PCDHGA4: variants seen among roughly 807,000 people sequenced by gnomAD.
PCDHGA4 encodes the protein protocadherin gamma subfamily A, 4, also known as protocadherin gamma-A4.
Under a neutral mutation model 54.6 loss-of-function variants are expected in PCDHGA4, and 38 were observed. That is an observed-to-expected ratio of 0.70 (90% CI 0.54 to 0.91). The LOEUF is 0.91. Among genes scored for constraint, PCDHGA4 ranks in the 40% least tolerant of loss-of-function variants. The probability of loss-of-function intolerance (pLI) is 0.00; values close to 1 mark genes in which losing one functional copy is unlikely to be tolerated. For missense variants in PCDHGA4, 1,298 were observed against 1,220.9 expected, an observed-to-expected ratio of 1.06 and a Z score of -0.94; for synonymous variants, 511 against 512.9, an observed-to-expected ratio of 1.00 and a Z score of 0.05.
chr5:141,476,225 A>G lies in PCDHGA4; in HGVS notation c.2515-18582A>G, dbSNP rs1414835001. ...GGCTTCCACGGTCATTCACTATGAG[A>G]TCCCGGAGGAAAGAGAGAAGGGTTT... On this transcript the variant is annotated intron_variant, in intron 1 of 3. Transcript: ENST00000571252. This position sits in a 1 kb window ranked among gnomAD's most constrained non-coding sequence, Gnocchi z 7.6. 3 of 1,613,882 alleles carry G rather than the reference A, an allele frequency of 1.9e-6. No homozygotes were observed. The highest frequency in any genetic ancestry group is 2.5e-6 in the Non-Finnish European group (3 of 1,180,012).
rs1561748501 is a variant in PCDHGA4 at position 141,414,351 on chromosome 5, G to GT, written c.2514+56731dup. On this transcript the variant is annotated intron_variant, in intron 1 of 3. Coordinates refer to ENST00000571252, the MANE Select transcript of PCDHGA4 (RefSeq NM_018917.4). ...GACAGGTAACCTGTTCCATTTTGGC[G>GT]TATCTACCATTTAAATTAGAAAAGT... 2.5e-6 allele frequency: 4 copies of GT among 1,613,794 alleles called. No individual in the cohort carries two copies. The South Asian group carries it at 3.3e-5, about 13-fold the overall frequency.
chr5:141,486,138 C>T lies in PCDHGA4; in HGVS notation c.2515-8669C>T. On this transcript the variant is annotated intron_variant, in intron 1 of 3. Transcript: ENST00000571252. This position sits in a 1 kb window ranked among gnomAD's most constrained non-coding sequence, Gnocchi z 5.0. ...AATTACTATGAATTTGATGTGCGGG[C>T]TCGCGATGGGGGTTCTCCAGCCATG... The T allele has an allele frequency of 6.2e-7, 1 of 1,614,212 alleles. No individual in the cohort carries two copies. The highest frequency in any genetic ancestry group is 1.3e-5 in the African/African-American group (1 of 75,052).
rs2099641707 is a variant in PCDHGA4 at position 141,487,238 on chromosome 5, C to T, written c.2515-7569C>T. 1.2e-6 allele frequency: 2 copies of T among 1,614,056 alleles called. No individual in the cohort carries two copies. The highest frequency in any genetic ancestry group is 1.7e-6 in the Non-Finnish European group (2 of 1,180,022). On this transcript the variant is annotated intron_variant, in intron 1 of 3. Transcript: ENST00000571252. This position sits in a 1 kb window ranked among gnomAD's most constrained non-coding sequence, Gnocchi z 5.0. ...AGCTCCAAGGGAAGGAGAATCTCGT[C>T]TAACCCTCTACTTGGCTGTGTCCCT...
intron 1 of PCDHGA4, among the ~76,000 whole-genome samples, chr5:141,472,136 A>T (rs1172420221): frequency 1.1e-4 from 17 of 152,262 alleles, no homozygotes; most frequent in Non-Finnish European, 2.5e-4. Flanking sequence ...AGTTAAAAAT[A>T]AAAGTTTCAT....
rs1188870363 is a variant in PCDHGA4 at position 141,490,058 on chromosome 5, C to A, written c.2515-4749C>A. 16 of 1,614,230 alleles carry A rather than the reference C, an allele frequency of 9.9e-6. No individual in the cohort carries two copies. In the East Asian group the frequency reaches 3.6e-4, roughly 36 times the overall value. The stretch of plus-strand genomic sequence containing the variant: ...AATGCCACTGATCCAGACGAGGGCA[C>A]CAACGGCCAACTAGACTATTCTTTT... On this transcript the variant is annotated intron_variant, in intron 1 of 3. Coordinates refer to ENST00000571252, the MANE Select transcript of PCDHGA4 (RefSeq NM_018917.4). This position sits in a 1 kb window ranked among gnomAD's most constrained non-coding sequence, Gnocchi z 5.4.
chr5:141,370,539 AAC>A, intron 1 of PCDHGA4: 3 of 1,613,826 alleles, frequency 1.9e-6, no homozygotes, highest in Non-Finnish European at 2.5e-6. Context: ...GCTGGTAGGG[AAC>A]CTCGCCAAGG....
chr5:141,393,676 A>G (rs767754951), intron 1 of PCDHGA4: 2 of 1,613,954 alleles, frequency 1.2e-6, no homozygotes, highest in South Asian at 1.1e-5. Flanking sequence ...AATGAAAAAC[A>G]AACTCCGTTA....
Position 141,431,645 on chromosome 5 carries a change from T to C in PCDHGA4, c.2515-63162T>C. ...GGCGGCCCAAGTTTTCAAACTAGAT[T>C]GTAATTCAGGGACAATATCAACAAT... is the stretch of plus-strand genomic sequence containing the variant. On this transcript the variant is annotated intron_variant, in intron 1 of 3. Coordinates refer to ENST00000571252, the MANE Select transcript of PCDHGA4 (RefSeq NM_018917.4). This position sits in a 1 kb window ranked among gnomAD's most constrained non-coding sequence, Gnocchi z 4.8. 6.2e-7 allele frequency: 1 copy of C among 1,614,236 alleles called. No individual in the cohort carries two copies.
intron 1 of PCDHGA4, among the ~76,000 whole-genome samples, chr5:141,435,547 G>T (rs2097769325): frequency 6.6e-6 from 1 of 152,114 alleles, no homozygotes. Context: ...AACAAAATGT[G>T]TTTTGAGTGC....
intron 1 of PCDHGA4, among the ~76,000 whole-genome samples, chr5:141,475,341 C>T (rs1306106224): frequency 6.6e-6 from 1 of 152,162 alleles, no homozygotes; most frequent in Non-Finnish European, 1.5e-5. Context: ...CAATGACATC[C>T]AGTTTTAAAA....
intron 1 of PCDHGA4, among the ~76,000 whole-genome samples, chr5:141,467,296 A>T (rs1032802325): frequency 1.3e-5 from 2 of 151,740 alleles, no homozygotes; most frequent in South Asian, 4.2e-4. Flanking sequence ...CAAGTGATCC[A>T]CTCACCTCGG....
chr5:141,462,782 T>C (rs1397671639), intron 1 of PCDHGA4, among the ~76,000 whole-genome samples: 1 of 152,220 alleles, frequency 6.6e-6, no homozygotes, highest in Non-Finnish European at 1.5e-5. Flanking sequence ...TCATAATTTG[T>C]TGCTTATTTG....
intron 1 of PCDHGA4, among the ~76,000 whole-genome samples, chr5:141,471,737 A>G (rs2099263581): frequency 6.6e-6 from 1 of 152,232 alleles, no homozygotes; most frequent in Non-Finnish European, 1.5e-5. Context: ...AAGGTTGGAG[A>G]CATAACATAT....
chr5:141,405,593 C>T (rs1262163993), intron 1 of PCDHGA4: 1 of 579,000 alleles, frequency 1.7e-6, no homozygotes, highest in African/African-American at 1.9e-5. Context: ...TACAGGCCTC[C>T]CAAGTAGAAT....
intron 3 of PCDHGA4, 73 bp from the exon 4 acceptor site, chr5:141,510,874 G>C: frequency 6.2e-7 from 1 of 1,610,126 alleles, no homozygotes; most frequent in Non-Finnish European, 8.5e-7. Context: ...TTCATTAACT[G>C]CTGGGGATAT....
chr5:141,476,367 G>C lies in PCDHGA4; in HGVS notation c.2515-18440G>C, dbSNP rs754652710. ...TTCTTTGAGGTGAACCGGGAGACCG[G>C]AGAGATGTTTGTGAACGACCGTCTG... On this transcript the variant is annotated intron_variant, in intron 1 of 3. Transcript: ENST00000571252. This position sits in a 1 kb window ranked among gnomAD's most constrained non-coding sequence, Gnocchi z 7.6. 6.2e-7 allele frequency: 1 copy of C among 1,614,172 alleles called. No homozygotes were observed. Among genetic ancestry groups the C allele is most frequent in the Non-Finnish European group, 8.5e-7 (1 of 1,180,036 alleles).
In PCDHGA4 at chr5:141,384,194, T is replaced by A. The variant is rs763395046; in HGVS notation, c.2514+26573T>A. 4.3e-6 allele frequency: 7 copies of A among 1,613,674 alleles called. No homozygotes were observed. In the East Asian group the frequency reaches 1.3e-4, roughly 31 times the overall value. ...GCCACAGATGGTGGAACTCCTCCCT[T>A]GTCCAGGGAAACTCACATATTCATG... On this transcript the variant is annotated intron_variant, in intron 1 of 3. Transcript: ENST00000571252.
intron 1 of PCDHGA4, among the ~76,000 whole-genome samples, chr5:141,367,985 T>C (rs1158650986): frequency 6.6e-6 from 1 of 152,224 alleles, no homozygotes; most frequent in African/African-American, 2.4e-5. Flanking sequence ...CTTAAATTAA[T>C]AGATTTGTCT....
At position 141,356,998 on chromosome 5, in the gene PCDHGA4, C is replaced by A. The variant is rs1160143660; in HGVS notation, c.1891C>A (p.Gln631Lys). Residue 631 changes from glutamine (Q) to lysine (K), a missense_variant, in exon 1 of 4, where the codon CAG (glutamine) becomes AAG (lysine). Transcript: ENST00000571252. ...GGTGGCAGTGGACAGAGACTCAGGT[C>A]AGAATGCCTGGCTGTCCTACAGCCT... ...KVVAVDRDSG[Q>K]NAWLSYSLLK... 1.2e-6 allele frequency: 2 copies of A among 1,614,190 alleles called. No homozygotes were observed. Among genetic ancestry groups the A allele is most frequent in the Non-Finnish European group, 1.7e-6 (2 of 1,180,016 alleles).
Sources: allele counts gnomAD v4.1 joint callset (sites outside exome capture counted in the v4.1 genomes callset), GRCh38; gene constraint gnomAD v4.1.1; non-coding constraint Gnocchi (gnomAD v3.1); transcripts MANE v1.5; gene names NCBI Gene and HGNC (gene_info 2026-07-23, HGNC 2026-07-21).